NCK2: variants seen among roughly 807,000 people sequenced by gnomAD.
NCK2 encodes cytoplasmic protein NCK2.
NCK2 carries 16 observed loss-of-function variants against 33.9 expected under a neutral mutation model. That is an observed-to-expected ratio of 0.47 (90% confidence interval 0.32 to 0.72). The LOEUF (loss-of-function observed/expected upper bound fraction) is 0.72. Ranked by LOEUF, NCK2 falls within the 30% of genes least tolerant of loss-of-function variation. NCK2 has a pLI of 0.03. For missense variants in NCK2, 418 were observed against 537.3 expected (o/e 0.78, Z 2.19); for synonymous variants, 273 against 239.9 (o/e 1.14, Z -1.27).
At chr2:105,758,413 G>GTTTTTTTTTTT (rs574939583) in intron 1 of NCK2, among the ~76,000 whole-genome samples, 12 of 132,524 alleles carry the variant, frequency 9.1e-5, no homozygotes, top group Non-Finnish European at 1.8e-4. Flanking sequence ...TGTTGTTTTT[G>GTTTTTTTTTTT]TTTTTTTTTT....
chr2:105,807,681 C>G (rs1036788264), intron 1 of NCK2, among the ~76,000 whole-genome samples: 1 of 150,646 alleles, frequency 6.6e-6, no homozygotes, highest in Non-Finnish European at 1.5e-5. Flanking sequence ...TTCAACCTCT[C>G]TCCTTTTTTT....
intron 2 of NCK2, among the ~76,000 whole-genome samples, chr2:105,843,615 C>T (rs1247244325): frequency 3.9e-5 from 6 of 152,142 alleles, no homozygotes; most frequent in African/African-American, 7.2e-5. Context: ...GATGGTGATA[C>T]GTCACAGGGA....
At chr2:105,874,554 A>T (rs1171036218) in intron 3 of NCK2, among the ~76,000 whole-genome samples, 3 of 152,250 alleles carry the variant, frequency 2.0e-5, no homozygotes, top group Non-Finnish European at 4.4e-5. Flanking sequence ...ATCAGTAGCA[A>T]AAATTAAATG....
At chr2:105,861,569 C>A (rs561432081) in intron 3 of NCK2, among the ~76,000 whole-genome samples, 1 of 145,410 alleles carries the variant, frequency 6.9e-6, no homozygotes, top group East Asian at 2.0e-4. Context: ...GGCTGGAGTG[C>A]AGTGGCACAA....
At chr2:105,855,985 C>A (rs1007986884) in intron 3 of NCK2, among the ~76,000 whole-genome samples, 1 of 152,194 alleles carries the variant, frequency 6.6e-6, no homozygotes, top group African/African-American at 2.4e-5. Flanking sequence ...CAGGCACCCA[C>A]CACCACATCC....
chr2:105,815,414 G>A (rs1483920114), intron 1 of NCK2, among the ~76,000 whole-genome samples: 7 of 152,124 alleles, frequency 4.6e-5, no homozygotes, highest in Non-Finnish European at 2.9e-5. Context: ...AATCATGCTA[G>A]GGATGAATTA....
In NCK2 at chr2:105,881,825, G is replaced by C; in HGVS notation, c.724G>C (p.Gly242Arg). 6.2e-7 allele frequency: 1 copy of C among 1,606,698 alleles called. No individual in the cohort carries two copies. The highest frequency in any genetic ancestry group is 8.5e-7 in the Non-Finnish European group (1 of 1,175,698). ...GTGGTGGAAATGCAAAAATGCCCGG[G>C]GCCAGGTGGGCCTCGTCCCCAAAAA... ...PEWWKCKNAR[G>R]QVGLVPKNYV... Residue 242 changes from glycine (G) to arginine (R), a missense_variant, in exon 4 of 5, where the codon GGC becomes CGC. Coordinates refer to ENST00000233154, the MANE Select transcript of NCK2 (RefSeq NM_003581.5).
chr2:105,857,901 A>C (rs1435629453), intron 3 of NCK2, among the ~76,000 whole-genome samples: 1 of 152,204 alleles, frequency 6.6e-6, no homozygotes, highest in Non-Finnish European at 1.5e-5. Context: ...ACCATCATGC[A>C]GTAACTTCTG....
At position 105,894,103 on chromosome 2, in the gene NCK2, G is replaced by A. The variant is rs947535516; in HGVS notation, c.*927G>A. On this transcript the variant is annotated 3_prime_UTR_variant, in exon 5 of 5. Coordinates refer to ENST00000233154, the MANE Select transcript of NCK2 (RefSeq NM_003581.5). ...ATTGGTAGTAAGAGACACACAGAAT[G>A]TTTATGAAGAAATTGCATTTTCTTT... The A allele has an allele frequency of 6.6e-6, 1 of 152,526 alleles. No homozygotes were observed. The highest frequency in any genetic ancestry group is 2.4e-5 in the African/African-American group (1 of 41,416). 9.4% of individuals were successfully genotyped at this position (152,526 alleles called of 1,614,324 possible).
rs527473561 is a variant in NCK2 at position 105,752,308 on chromosome 2, CT to C, written c.-201+7175del. ...TATGCTTTACTGGGAAAGGTGTAAC[CT>C]TTTTAAATATGAGGAGTAATGTCAT... is the stretch of plus-strand genomic sequence containing the variant. On this transcript the variant is annotated intron_variant, in intron 1 of 4. Transcript: ENST00000233154. Among the ~76,000 whole-genome samples the C allele has an allele frequency of 1.9e-3, 289 of 152,224 alleles. 3 individuals are homozygous for C. Among genetic ancestry groups the C allele is most frequent in the African/African-American group, 6.8e-3 (282 of 41,532 alleles).
chr2:105,873,485 T>C (rs1434523668), intron 3 of NCK2, among the ~76,000 whole-genome samples: 4 of 152,146 alleles, frequency 2.6e-5, no homozygotes, highest in African/African-American at 9.7e-5. Flanking sequence ...AGCTATGAAT[T>C]ATGTCTGCTG....
intron 1 of NCK2, among the ~76,000 whole-genome samples, chr2:105,803,010 G>A (rs1429484294): frequency 6.6e-6 from 1 of 152,126 alleles, no homozygotes; most frequent in Non-Finnish European, 1.5e-5. Flanking sequence ...CTTTCTAGAA[G>A]AGAGCAATAT....
At chr2:105,757,816 A>T (rs1388761481) in intron 1 of NCK2, among the ~76,000 whole-genome samples, 1 of 152,240 alleles carries the variant, frequency 6.6e-6, no homozygotes, top group Non-Finnish European at 1.5e-5. Context: ...CATTTGAAGC[A>T]TTCTGGAGGA....
chr2:105,868,910 G>A (rs529843999), intron 3 of NCK2, among the ~76,000 whole-genome samples: 9 of 152,350 alleles, frequency 5.9e-5, no homozygotes, highest in Non-Finnish European at 1.0e-4. Flanking sequence ...AAGGCCAGGA[G>A]TGGGCCCCTC....
chr2:105,813,911 G>C (rs528432980), intron 1 of NCK2, among the ~76,000 whole-genome samples: 1 of 152,204 alleles, frequency 6.6e-6, no homozygotes, highest in Non-Finnish European at 1.5e-5. Flanking sequence ...TCTAAAGGGA[G>C]ATGCACGTAG....
Position 105,859,098 on chromosome 2 carries a change from C to T in NCK2, c.226+3809C>T, listed in dbSNP as rs775641564. On this transcript the variant is annotated intron_variant, in intron 3 of 4. Transcript: ENST00000233154. The stretch of plus-strand genomic sequence containing the variant: ...AACTCCACTTAGAAAATTGTGCAGG[C>T]GAGGTGTTGTAAAAGCACTATGCTA... 1.2e-4 allele frequency among the ~76,000 whole-genome samples: 19 copies of T among 152,276 alleles called. No individual in the cohort carries two copies. The East Asian group carries it at 1.7e-3, about 14-fold the overall frequency.
chr2:105,806,122 T>C (rs777472288), intron 1 of NCK2, among the ~76,000 whole-genome samples: 6 of 152,170 alleles, frequency 3.9e-5, no homozygotes, highest in South Asian at 2.1e-4. Context: ...TCAAAAATTA[T>C]CAGATTTTGG....
Position 105,755,013 on chromosome 2 carries a change from G to T in NCK2, c.-201+9875G>T, listed in dbSNP as rs1480077346. 3.3e-5 allele frequency among the ~76,000 whole-genome samples: 5 copies of T among 151,270 alleles called. No individual in the cohort carries two copies. The East Asian group carries it at 5.8e-4, about 18-fold the overall frequency. ...TGACTCCCCTCACCCCGTCTCTCCC[G>T]CCCTGAACACCATTTATCTTAATAG... On this transcript the variant is annotated intron_variant, in intron 1 of 4. Transcript: ENST00000233154.
chr2:105,826,806 A>G (rs186074463), intron 2 of NCK2, among the ~76,000 whole-genome samples: 2,741 of 151,748 alleles, frequency 0.018, 37 homozygotes, highest in Middle Eastern at 0.031. Context: ...ATATATGTGT[A>G]TATATATATA....
Sources: gnomAD v4.1 joint callset for allele counts (sites outside exome capture counted in the v4.1 genomes callset) on GRCh38, gnomAD v4.1.1 for gene constraint, MANE v1.5 for transcripts, NCBI Gene and HGNC (gene_info 2026-07-23, HGNC 2026-07-21) for gene names.